Variants in PTPRN2 observed in about 807,000 individuals in gnomAD.
The protein encoded by PTPRN2 is protein tyrosine phosphatase receptor type N2.
A neutral mutation model predicts 118.8 loss-of-function variants in PTPRN2; 74 were observed. The ratio of observed to expected loss-of-function variants is 0.62; its 90% confidence interval spans 0.52 to 0.76. The LOEUF (loss-of-function observed/expected upper bound fraction) is 0.76, where lower values mean the gene tolerates loss of function less well. PTPRN2 is among the 30% of genes least tolerant of loss of function. PTPRN2 has a pLI of 0.00. For synonymous variants in PTPRN2, 641 were observed against 608.0 expected, an observed-to-expected ratio of 1.05 and a Z score of -0.80; for missense variants, 1,481 against 1,394.4, an observed-to-expected ratio of 1.06 and a Z score of -0.99.
intron 2 of PTPRN2, among the ~76,000 whole-genome samples, chr7:158,371,204 A>G (rs1809962933): frequency 6.6e-6 from 1 of 152,296 alleles, no homozygotes. Context: ...ATGGATCTCC[A>G]ATGGCTTAGA....
intron 1 of PTPRN2, among the ~76,000 whole-genome samples, chr7:158,567,578 C>G (rs954380089): frequency 6.6e-6 from 1 of 152,216 alleles, no homozygotes; most frequent in Non-Finnish European, 1.5e-5. Flanking sequence ...AGTAGGTCCC[C>G]AATTAACAGC....
intron 1 of PTPRN2, among the ~76,000 whole-genome samples, chr7:158,508,683 C>A (rs1586829820): frequency 2.4e-5 from 2 of 83,698 alleles, no homozygotes; most frequent in South Asian, 6.2e-4. Context: ...ACGCTCGGAG[C>A]AGGTGCGGAA....
intron 12 of PTPRN2, among the ~76,000 whole-genome samples, chr7:157,759,508 T>G (rs570262298): frequency 2.6e-4 from 40 of 152,334 alleles, no homozygotes; most frequent in Non-Finnish European, 3.8e-4. Context: ...CAGGGCCGCT[T>G]CATTAAAGTT....
chr7:158,043,854 C>A (rs1808650623), intron 11 of PTPRN2, among the ~76,000 whole-genome samples: 1 of 152,232 alleles, frequency 6.6e-6, no homozygotes, highest in Admixed American at 6.5e-5. Flanking sequence ...ACAGACCATC[C>A]TGCACAGTTG....
At chr7:157,630,204 G>A (rs535090184) in intron 14 of PTPRN2, among the ~76,000 whole-genome samples, 2 of 152,252 alleles carry the variant, frequency 1.3e-5, no homozygotes, top group African/African-American at 4.8e-5. Flanking sequence ...TTTATTGTCT[G>A]TAGATTGCTG....
intron 14 of PTPRN2, among the ~76,000 whole-genome samples, chr7:157,626,167 C>T (rs980753531): frequency 6.6e-6 from 1 of 152,164 alleles, no homozygotes; most frequent in Non-Finnish European, 1.5e-5. Context: ...TGGGTTTTCT[C>T]CTGGCCCGTC....
chr7:157,761,702 T>C (rs960104926), intron 12 of PTPRN2, among the ~76,000 whole-genome samples: 5 of 148,874 alleles, frequency 3.4e-5, no homozygotes, highest in African/African-American at 1.3e-4. Context: ...AAGGACTTCA[T>C]GTCTAAAACG....
At chr7:158,493,188 C>T (rs1239261833) in intron 1 of PTPRN2, among the ~76,000 whole-genome samples, 1 of 152,250 alleles carries the variant, frequency 6.6e-6, no homozygotes, top group African/African-American at 2.4e-5. Context: ...ATCCCTCCTG[C>T]TTCAGCACAG....
At chr7:158,159,658 ATTAT>A in intron 6 of PTPRN2, among the ~76,000 whole-genome samples, 1 of 152,194 alleles carries the variant, frequency 6.6e-6, no homozygotes, top group South Asian at 2.1e-4. Flanking sequence ...CACCCCACAC[ATTAT>A]TTGTCATTGG....
chr7:157,562,537 C>T (rs561297775), intron 21 of PTPRN2, among the ~76,000 whole-genome samples: 1 of 152,334 alleles, frequency 6.6e-6, no homozygotes, highest in East Asian at 1.9e-4. Context: ...CATGTGGCTA[C>T]TGTATGGAAC....
intron 17 of PTPRN2, among the ~76,000 whole-genome samples, chr7:157,594,379 GCCAGGAGGCCCGGGCTTTGGATCA>G (rs560395851): frequency 0.16 from 24,800 of 152,012 alleles, 2,543 homozygotes; most frequent in African/African-American, 0.28. Flanking sequence ...GCTGTGGATC[GCCAGGAGGCCCGGGCTTTGGATCA>G]CCAGGAGGCC....
At chr7:158,400,284 G>C (rs533439448) in intron 2 of PTPRN2, among the ~76,000 whole-genome samples, 2 of 152,218 alleles carry the variant, frequency 1.3e-5, no homozygotes, top group East Asian at 3.9e-4. Context: ...GCTACCCTAT[G>C]TGGACAGGGC....
At position 157,587,646 on chromosome 7, in the gene PTPRN2, A is replaced by T. The variant is rs1361362383; in HGVS notation, c.2496+7592T>A. ...AAATGTTGATGTGCAATAAGAGTCAACACACATCCGATGCCAGTGGGACAC... is the reference window on the plus strand; with the variant it reads ...AAATGTTGATGTGCAATAAGAGTCATCACACATCCGATGCCAGTGGGACAC... On this transcript the variant is annotated intron_variant, in intron 17 of 22. Transcript: ENST00000389418. The surrounding 1 kb of genome is among the most constrained non-coding windows in gnomAD (Gnocchi z 5.3). 6.6e-6 allele frequency among the ~76,000 whole-genome samples: 1 copy of T among 152,250 alleles called. No homozygotes were observed. The highest frequency in any genetic ancestry group is 1.5e-5 in the Non-Finnish European group (1 of 68,052).
At chr7:157,725,005 T>C (rs900927517) in intron 12 of PTPRN2, among the ~76,000 whole-genome samples, 9 of 152,262 alleles carry the variant, frequency 5.9e-5, no homozygotes, top group Non-Finnish European at 1.3e-4. Flanking sequence ...AAAAATGTAC[T>C]GATCTGAAAT....
chr7:158,506,476 C>T (rs1214205456), intron 1 of PTPRN2, among the ~76,000 whole-genome samples: 1 of 152,110 alleles, frequency 6.6e-6, no homozygotes, highest in Non-Finnish European at 1.5e-5. Context: ...GAGCCAAGCA[C>T]ACGGGAGAGG....
intron 17 of PTPRN2, among the ~76,000 whole-genome samples, chr7:157,579,800 C>G (rs1485644381): frequency 6.6e-6 from 1 of 152,186 alleles, no homozygotes; most frequent in African/African-American, 2.4e-5. Flanking sequence ...TGTATAAAAG[C>G]AGAGAGGGGA....
At chr7:158,238,399 A>T (rs1413320452) in intron 3 of PTPRN2, among the ~76,000 whole-genome samples, 1 of 152,142 alleles carries the variant, frequency 6.6e-6, no homozygotes, top group East Asian at 1.9e-4. Flanking sequence ...AGCAGGCGAG[A>T]CGCGGGGCAC....
At chr7:157,664,736 G>A (rs1796051799) in intron 13 of PTPRN2, among the ~76,000 whole-genome samples, 1 of 152,186 alleles carries the variant, frequency 6.6e-6, no homozygotes, top group South Asian at 2.1e-4. Flanking sequence ...TCCAACCCTG[G>A]TGACAGAGCA....
At chr7:158,011,642 A>C (rs1320500515) in intron 11 of PTPRN2, among the ~76,000 whole-genome samples, 1 of 152,236 alleles carries the variant, frequency 6.6e-6, no homozygotes, top group African/African-American at 2.4e-5. Context: ...GAAAGTAGGA[A>C]ACTACACTTT....
Sources: gnomAD v4.1 joint callset for allele counts (sites outside exome capture counted in the v4.1 genomes callset) on GRCh38, gnomAD v4.1.1 for gene constraint, Gnocchi (gnomAD v3.1) non-coding constraint, MANE v1.5 for transcripts, NCBI Gene and HGNC (gene_info 2026-07-23, HGNC 2026-07-21) for gene names.